Variants in SEPTIN9 observed in about 807,000 individuals in gnomAD.
The protein encoded by SEPTIN9 is septin-9.
SEPTIN9 carries 13 observed loss-of-function variants against 56.6 expected under a neutral mutation model. That is an observed-to-expected ratio of 0.23 (90% CI 0.15 to 0.37). The LOEUF (loss-of-function observed/expected upper bound fraction) is 0.37, where lower values mean the gene tolerates loss of function less well. Among genes scored for constraint, SEPTIN9 ranks in the 10% least tolerant of loss-of-function variants. SEPTIN9 has a pLI of 1.00. For synonymous variants in SEPTIN9, 332 were observed against 334.1 expected, an observed-to-expected ratio of 0.99 and a Z score of 0.07; for missense variants, 650 against 823.1, an observed-to-expected ratio of 0.79 and a Z score of 2.57.
intron 2 of SEPTIN9, among the ~76,000 whole-genome samples, chr17:77,393,017 G>A (rs188496464): frequency 6.6e-6 from 1 of 152,156 alleles, no homozygotes; most frequent in Admixed American, 6.5e-5. Context: ...CCTGCCCCAG[G>A]AGCCACCTCC....
chr17:77,459,526 C>T (rs1035827879), intron 3 of SEPTIN9, among the ~76,000 whole-genome samples: 1 of 151,822 alleles, frequency 6.6e-6, no homozygotes, highest in Admixed American at 6.5e-5. Context: ...ACATTGTGTT[C>T]GTCCATTTTG....
In SEPTIN9 at chr17:77,444,137, G is replaced by A. The variant is rs189597245; in HGVS notation, c.722-38007G>A. ...AGACAGTAGGACCTGGCTGAAGAGC[G>A]TAGGCTCCTTAGACAGGAGTGGGAA... is the stretch of plus-strand genomic sequence containing the variant. On this transcript the variant is annotated intron_variant, in intron 3 of 11. Coordinates refer to ENST00000427177, the MANE Select transcript of SEPTIN9 (RefSeq NM_001113491.2). Among the ~76,000 whole-genome samples, 349 of 152,334 alleles carry A rather than the reference G, an allele frequency of 2.3e-3. 8 individuals are homozygous for A. In the South Asian group the frequency reaches 0.056, roughly 25 times the overall value.
chr17:77,310,045 C>G lies in SEPTIN9; in HGVS notation c.76+2848C>G, dbSNP rs1297931566. 1.3e-5 allele frequency among the ~76,000 whole-genome samples: 2 copies of G among 151,938 alleles called. No homozygotes were observed. Among genetic ancestry groups the G allele is most frequent in the Non-Finnish European group, 2.9e-5 (2 of 67,982 alleles). ...CCAGGCTGGAGTGCAGTGGCACCATCTCGGCTCACTGCAACCTCTGCCTCC... is the reference window on the plus strand; with the variant it reads ...CCAGGCTGGAGTGCAGTGGCACCATGTCGGCTCACTGCAACCTCTGCCTCC... On this transcript the variant is annotated intron_variant, in intron 2 of 11. Transcript: ENST00000427177. This position sits in a 1 kb window ranked among gnomAD's most constrained non-coding sequence, Gnocchi z 4.7.
rs539612180 is a variant in SEPTIN9, at chr17:77,443,634, A to T, written c.722-38510A>T. ...ATGGTGAAACCCTGTCTCTGCTAAA[A>T]ATACAAAAAAAAATTAGCTTGGCGT... On this transcript the variant is annotated intron_variant, in intron 3 of 11. Coordinates refer to ENST00000427177, the MANE Select transcript of SEPTIN9 (RefSeq NM_001113491.2). Among the ~76,000 whole-genome samples the T allele has an allele frequency of 1.5e-3, 229 of 152,116 alleles. 1 individual carries two copies. The highest frequency in any genetic ancestry group is 5.1e-3 in the African/African-American group (213 of 41,466).
At position 77,482,155 on chromosome 17, in the gene SEPTIN9, G is replaced by A. The variant is rs1392199741; in HGVS notation, c.733G>A (p.Ala245Thr). ...TGTTCCTTCCCCAGCCACTGAGGCG[G>A]CTCCCAGCTGCGTTGGCGACATGGC... is the stretch of plus-strand genomic sequence containing the variant. ...TPRSQEATEA[A>T]PSCVGDMADT... Residue 245 changes from alanine to threonine, a missense_variant, in exon 4 of 12, where the codon GCT becomes ACT. Ala to Thr is a moderately conservative substitution (Grantham distance 58, BLOSUM62 0). Transcript: ENST00000427177. 1.1e-5 allele frequency: 18 copies of A among 1,578,120 alleles called. No individual in the cohort carries two copies. In the Admixed American group the frequency reaches 3.2e-4, roughly 28 times the overall value.
chr17:77,406,228 C>T (rs1428003947), intron 3 of SEPTIN9, among the ~76,000 whole-genome samples: 1 of 152,204 alleles, frequency 6.6e-6, no homozygotes, highest in Admixed American at 6.5e-5. Flanking sequence ...TCAGCTCACA[C>T]CTCTCTCCTT....
chr17:77,346,278 C>CTTTTT (rs577131369), intron 2 of SEPTIN9, among the ~76,000 whole-genome samples: 12 of 46,310 alleles, frequency 2.6e-4, no homozygotes, highest in Admixed American at 1.1e-3. Context: ...ATCCTTAGGT[C>CTTTTT]TTTTTTTTTT....
At chr17:77,343,482 A>G (rs899669562) in intron 2 of SEPTIN9, among the ~76,000 whole-genome samples, 1 of 152,178 alleles carries the variant, frequency 6.6e-6, no homozygotes, top group African/African-American at 2.4e-5. Flanking sequence ...CCTTTGAAAT[A>G]TCATTTGTAA....
intron 3 of SEPTIN9, among the ~76,000 whole-genome samples, chr17:77,432,468 G>A (rs9898093): frequency 0.043 from 6,602 of 152,282 alleles, 328 homozygotes; most frequent in African/African-American, 0.12. Flanking sequence ...TGCTGAGAAC[G>A]GGGGTAGAGA....
chr17:77,458,899 G>A (rs541998854), intron 3 of SEPTIN9, among the ~76,000 whole-genome samples: 35 of 152,226 alleles, frequency 2.3e-4, no homozygotes, highest in Admixed American at 7.2e-4. Flanking sequence ...CAGAGCTCAG[G>A]GAGGAGGTCA....
Position 77,500,187 on chromosome 17 carries a change from T to G in SEPTIN9, c.*1529T>G. The G allele has an allele frequency of 4.3e-6, 1 of 232,668 alleles. No homozygotes were observed. Among genetic ancestry groups the G allele is most frequent in the Non-Finnish European group, 8.5e-6 (1 of 117,472 alleles). 14.4% of individuals were successfully genotyped at this position (232,668 alleles called of 1,614,324 possible). A position where few individuals can be genotyped will look rare whatever the true frequency, so the allele number is the denominator to read the frequency against. On this transcript the variant is annotated 3_prime_UTR_variant, in exon 12 of 12. Transcript: ENST00000427177. ...GTGTATGAGTGTGAGTGTGTGTGCATGGAAGTTGGGGCACTGGGCGTCTGA... is the reference window on the plus strand; with the variant it reads ...GTGTATGAGTGTGAGTGTGTGTGCAGGGAAGTTGGGGCACTGGGCGTCTGA...
At chr17:77,438,531 G>A (rs1055771025) in intron 3 of SEPTIN9, among the ~76,000 whole-genome samples, 2 of 152,180 alleles carry the variant, frequency 1.3e-5, no homozygotes, top group South Asian at 2.1e-4. Context: ...ACACGGGCCC[G>A]CTGTCATCAC....
rs1327862803 is a variant in SEPTIN9 at position 77,492,158 on chromosome 17, C to A, written c.1381-463C>A. Among the ~76,000 whole-genome samples, 1 of 152,214 alleles carries A rather than the reference C, an allele frequency of 6.6e-6. No homozygotes were observed. Among genetic ancestry groups the A allele is most frequent in the East Asian group, 1.9e-4 (1 of 5,186 alleles). On this transcript the variant is annotated intron_variant, in intron 8 of 11. Transcript: ENST00000427177. This position sits in a 1 kb window ranked among gnomAD's most constrained non-coding sequence, Gnocchi z 5.4. ...GCTACACACGGGCTGTGGTCTGTGC[C>A]TGGGCAGGCGAGCAGCCGCTCACTG...
At chr17:77,342,031 C>T (rs1387184570) in intron 2 of SEPTIN9, among the ~76,000 whole-genome samples, 3 of 149,548 alleles carry the variant, frequency 2.0e-5, no homozygotes, top group East Asian at 2.0e-4. Context: ...TGCAGTGAGC[C>T]GAGATCGCGC....
Position 77,498,742 on chromosome 17 carries a change from A to C in SEPTIN9, c.*84A>C. 2 of 625,144 alleles carry C rather than the reference A, an allele frequency of 3.2e-6. No individual in the cohort carries two copies. The highest frequency in any genetic ancestry group is 5.0e-6 in the Non-Finnish European group (2 of 399,086). The allele number at this position is 625,144 out of a possible 1,614,324, so 38.7% of individuals were successfully genotyped here. ...CCCTCCCACCACCCCATTTTATTTT[A>C]TATGATTTTCTCCATTTGTCATCGT... is the stretch of plus-strand genomic sequence containing the variant. On this transcript the variant is annotated 3_prime_UTR_variant, in exon 12 of 12. Transcript: ENST00000427177.
Position 77,329,835 on chromosome 17 carries a change from C to G in SEPTIN9, c.76+22638C>G, listed in dbSNP as rs2033280500. Reference sequence around the variant, plus strand: ...AGCTGGGGTGAGGCAGAACCTCCCTCCCATATTTACAGCACCAGCCAAGGC... The same window carrying G: ...AGCTGGGGTGAGGCAGAACCTCCCTGCCATATTTACAGCACCAGCCAAGGC... On this transcript the variant is annotated intron_variant, in intron 2 of 11. Transcript: ENST00000427177. This position sits in a 1 kb window ranked among gnomAD's most constrained non-coding sequence, Gnocchi z 4.3. 6.6e-6 allele frequency among the ~76,000 whole-genome samples: 1 copy of G among 152,208 alleles called. No individual in the cohort carries two copies. The highest frequency in any genetic ancestry group is 1.5e-5 in the Non-Finnish European group (1 of 68,026).
Position 77,371,154 on chromosome 17 carries a change from A to G in SEPTIN9, c.77-30905A>G, listed in dbSNP as rs72896149. Among the ~76,000 whole-genome samples the G allele has an allele frequency of 0.041, 6,220 of 152,146 alleles. 159 individuals are homozygous for G. The highest frequency in any genetic ancestry group is 0.075 in the Middle Eastern group (22 of 294). On this transcript the variant is annotated intron_variant, in intron 2 of 11. Coordinates refer to ENST00000427177, the MANE Select transcript of SEPTIN9 (RefSeq NM_001113491.2). The surrounding 1 kb of genome is among the most constrained non-coding windows in gnomAD (Gnocchi z 4.1). ...GAGCTCGGGGAACCTCCTTACCTGG[A>G]GGTTTCTAGGCCTGGTCATGTGGCT...
At chr17:77,490,996 T>G in intron 8 of SEPTIN9, 137 bp downstream of exon 8, 1 of 721,868 alleles carries the variant, frequency 1.4e-6, no homozygotes, top group Non-Finnish European at 2.4e-6. Flanking sequence ...AGCGGGTGGC[T>G]GGCCTGGTGG....
At chr17:77,324,666 C>T (rs866996336) in intron 2 of SEPTIN9, among the ~76,000 whole-genome samples, 1 of 152,196 alleles carries the variant, frequency 6.6e-6, no homozygotes. Context: ...CTGTCCAAGT[C>T]CTTTACCTGT....
Sources: allele counts gnomAD v4.1 joint callset (sites outside exome capture counted in the v4.1 genomes callset), GRCh38; gene constraint gnomAD v4.1.1; non-coding constraint Gnocchi (gnomAD v3.1); transcripts MANE v1.5; gene names NCBI Gene and HGNC (gene_info 2026-07-23, HGNC 2026-07-21).